ERC2: variants seen among roughly 807,000 people sequenced by gnomAD.
ERC2 encodes ERC protein 2.
A neutral mutation model predicts 114.8 loss-of-function variants in ERC2; 42 were observed. The observed-to-expected ratio is 0.37, with a 90% CI of 0.29 to 0.47. The LOEUF is 0.47. Ranked by LOEUF, ERC2 falls within the 20% of genes least tolerant of loss-of-function variation. The pLI, the probability that ERC2 is intolerant of heterozygous loss-of-function variation, is 0.99. For missense variants in ERC2, 939 were observed against 1,150.7 expected (o/e 0.82, Z 2.66); for synonymous variants, 454 against 425.5 (o/e 1.07, Z -0.82).
intron 14 of ERC2, among the ~76,000 whole-genome samples, chr3:55,866,633 C>G (rs141220760): frequency 6.6e-6 from 1 of 152,202 alleles, no homozygotes; most frequent in East Asian, 1.9e-4. Flanking sequence ...TTTGAGTTCA[C>G]CTTTGTGCAT....
chr3:55,636,804 T>C (rs2059976144), intron 17 of ERC2, among the ~76,000 whole-genome samples: 1 of 152,224 alleles, frequency 6.6e-6, no homozygotes, highest in Non-Finnish European at 1.5e-5. Context: ...CCCTACGGTT[T>C]GCAGACCTCT....
chr3:56,000,852 A>G (rs1327397000), intron 10 of ERC2, among the ~76,000 whole-genome samples: 1 of 151,642 alleles, frequency 6.6e-6, no homozygotes, highest in Non-Finnish European at 1.5e-5. Context: ...CAGGAGTTTG[A>G]GACCAGTCTT....
At chr3:55,970,566 T>C (rs543463337) in intron 12 of ERC2, among the ~76,000 whole-genome samples, 1 of 152,272 alleles carries the variant, frequency 6.6e-6, no homozygotes, top group African/African-American at 2.4e-5. Flanking sequence ...GATATACAAA[T>C]GGCCAATAAG....
chr3:56,374,779 C>G (rs1475352559), intron 2 of ERC2, among the ~76,000 whole-genome samples: 1 of 152,116 alleles, frequency 6.6e-6, no homozygotes, highest in Non-Finnish European at 1.5e-5. Flanking sequence ...GAAGAATAGC[C>G]AGCAGGAGAC....
intron 17 of ERC2, among the ~76,000 whole-genome samples, chr3:55,512,608 T>C (rs994542025): frequency 6.6e-6 from 1 of 151,952 alleles, no homozygotes; most frequent in Admixed American, 6.5e-5. Flanking sequence ...GTCTTTTGTT[T>C]TGTTTTGTTT....
chr3:56,285,024 C>T (rs1446063578), intron 3 of ERC2, among the ~76,000 whole-genome samples: 19 of 120,882 alleles, frequency 1.6e-4, no homozygotes, highest in African/African-American at 6.3e-4. Context: ...CACACACACA[C>T]ACACACATAC....
chr3:55,728,853 T>A (rs1257533245), intron 15 of ERC2, among the ~76,000 whole-genome samples: 1 of 152,170 alleles, frequency 6.6e-6, no homozygotes, highest in Non-Finnish European at 1.5e-5. Context: ...GGGTATTTTG[T>A]CATCAGCCCT....
intron 3 of ERC2, among the ~76,000 whole-genome samples, chr3:56,276,702 T>C (rs79354284): frequency 0.018 from 2,673 of 152,198 alleles, 29 homozygotes; most frequent in Non-Finnish European, 0.027. Flanking sequence ...AGGAGGAGGA[T>C]TTGAGAAAGA....
At chr3:55,544,798 G>A (rs1244845375) in intron 17 of ERC2, among the ~76,000 whole-genome samples, 2 of 152,174 alleles carry the variant, frequency 1.3e-5, no homozygotes, top group Non-Finnish European at 2.9e-5. Flanking sequence ...AATGGATGCT[G>A]CCTGTTACGT....
rs534323303 is a variant in ERC2 at position 56,149,136 on chromosome 3, T to G, written c.1150-4A>C. The G allele has an allele frequency of 2.5e-6, 4 of 1,592,872 alleles. No individual in the cohort carries two copies. The highest frequency in any genetic ancestry group is 3.4e-6 in the Non-Finnish European group (4 of 1,171,912). ...CCAATGAAGCGATTTTTGTGTCCTGTTGGTAAAGAAGAAAAGAAAAAGAAA... is the reference window on the plus strand; with the variant it reads ...CCAATGAAGCGATTTTTGTGTCCTGGTGGTAAAGAAGAAAAGAAAAAGAAA... On this transcript the variant is annotated splice_region_variant and splice_polypyrimidine_tract_variant and intron_variant, in intron 4 of 17. Transcript: ENST00000288221.
intron 17 of ERC2, among the ~76,000 whole-genome samples, chr3:55,635,179 G>C (rs546417608): frequency 6.6e-6 from 1 of 151,230 alleles, no homozygotes; most frequent in African/African-American, 2.4e-5. Context: ...CACCGTGCCC[G>C]GCCTATTATT....
chr3:55,608,172 T>C (rs765101853), intron 17 of ERC2, among the ~76,000 whole-genome samples: 11 of 152,172 alleles, frequency 7.2e-5, no homozygotes, highest in Non-Finnish European at 1.3e-4. Flanking sequence ...CTTTCTGTTT[T>C]AATATTATCA....
intron 3 of ERC2, among the ~76,000 whole-genome samples, chr3:56,199,880 A>G (rs2048313241): frequency 6.6e-6 from 1 of 152,126 alleles, no homozygotes; most frequent in African/African-American, 2.4e-5. Context: ...CTGTGGACTC[A>G]GGACACTAGA....
chr3:56,389,953 C>T (rs969115120), intron 2 of ERC2, among the ~76,000 whole-genome samples: 3 of 152,152 alleles, frequency 2.0e-5, no homozygotes, highest in Non-Finnish European at 4.4e-5. Flanking sequence ...GTTAAATCTA[C>T]AGCTGACTGT....
At chr3:55,979,736 T>C (rs1302009959) in intron 12 of ERC2, among the ~76,000 whole-genome samples, 1 of 151,732 alleles carries the variant, frequency 6.6e-6, no homozygotes, top group Non-Finnish European at 1.5e-5. Context: ...CACCAGGAGT[T>C]TGAGATCAGT....
rs374080648 is a variant in ERC2, at chr3:55,992,226, T to A, written c.2086A>T (p.Arg696Trp). ...KKAHNIEDDS[R>W]MNPEFADQIK... is the part of the protein sequence containing the mutation. ...TGGTCTGCAAACTCAGGGTTCATCC[T>A]GGAGTCATCTTCAATATTATGTGCC... is the stretch of plus-strand genomic sequence containing the variant. Residue 696 changes from arginine (R) to tryptophan (W), a missense_variant, in exon 11 of 18, where the codon AGG becomes TGG. Transcript: ENST00000288221. The A allele has an allele frequency of 6.2e-7, 1 of 1,613,582 alleles. No homozygotes were observed. Among genetic ancestry groups the A allele is most frequent in the Non-Finnish European group, 8.5e-7 (1 of 1,179,702 alleles).
At chr3:56,133,187 C>A (rs2080304601) in intron 6 of ERC2, among the ~76,000 whole-genome samples, 1 of 152,198 alleles carries the variant, frequency 6.6e-6, no homozygotes, top group African/African-American at 2.4e-5. Context: ...CCTGTAATCC[C>A]AGCATTTTGG....
At chr3:56,019,483 C>T (rs551994558) in intron 7 of ERC2, among the ~76,000 whole-genome samples, 2 of 152,286 alleles carry the variant, frequency 1.3e-5, no homozygotes, top group East Asian at 3.9e-4. Context: ...TAGCCATTCA[C>T]TTACTCCTTT....
intron 4 of ERC2, among the ~76,000 whole-genome samples, chr3:56,161,466 T>C (rs2082043640): frequency 6.6e-6 from 1 of 152,232 alleles, no homozygotes; most frequent in Non-Finnish European, 1.5e-5. Flanking sequence ...AGGAATAGCA[T>C]TGAATCTGCA....
Sources: allele counts gnomAD v4.1 joint callset (sites outside exome capture counted in the v4.1 genomes callset), GRCh38; gene constraint gnomAD v4.1.1; transcripts MANE v1.5; gene names NCBI Gene and HGNC (gene_info 2026-07-23, HGNC 2026-07-21).